Variants in ALG1 observed in about 807,000 individuals in gnomAD.
ALG1 encodes chitobiosyldiphosphodolichol beta-mannosyltransferase.
Under a neutral mutation model 55.1 loss-of-function variants are expected in ALG1, and 58 were observed. The ratio of observed to expected loss-of-function variants is 1.05; its 90% CI spans 0.85 to 1.31. The LOEUF is 1.31. Ranked by LOEUF, ALG1 falls within the 50% of genes most tolerant of loss-of-function variation. ALG1 has a pLI of 0.00. For missense variants in ALG1, 761 were observed against 598.6 expected (o/e 1.27, Z -2.83); for synonymous variants, 309 against 247.0 (o/e 1.25, Z -2.35).
intron 4 of ALG1, among the ~76,000 whole-genome samples, chr16:5,075,987 T>C (rs1228600276): frequency 6.6e-6 from 1 of 152,186 alleles, no homozygotes; most frequent in Non-Finnish European, 1.5e-5. Context: ...GGAGCATCCA[T>C]ATCTCATGGA....
rs1063200 is a variant in ALG1, at chr16:5,085,059, T to C, written c.*178T>C. 2 of 1,184,818 alleles carry C rather than the reference T, an allele frequency of 1.7e-6. 1 individual carries two copies. Among genetic ancestry groups the C allele is most frequent in the South Asian group, 2.8e-5 (2 of 71,628 alleles). 73.4% of individuals were successfully genotyped at this position (1,184,818 alleles called of 1,614,324 possible). A position where few individuals can be genotyped will look rare whatever the true frequency, so the allele number is the denominator to read the frequency against. The stretch of plus-strand genomic sequence containing the variant: ...GTGACCCGGGAAGCTTTGGTTGGCC[T>C]TGATTTCTTCTCTGGAGGCTTGGAA... On this transcript the variant is annotated 3_prime_UTR_variant, in exon 13 of 13. Coordinates refer to ENST00000262374, the MANE Select transcript of ALG1 (RefSeq NM_019109.5).
At chr16:5,072,609 A>G (rs1347447364) in intron 1 of ALG1, among the ~76,000 whole-genome samples, 1 of 152,214 alleles carries the variant, frequency 6.6e-6, no homozygotes, top group Non-Finnish European at 1.5e-5. Flanking sequence ...AGAATCTGCT[A>G]TCCTAGGGTG....
chr16:5,076,142 C>T (rs1293358251), intron 4 of ALG1, among the ~76,000 whole-genome samples: 1 of 152,234 alleles, frequency 6.6e-6, no homozygotes, highest in Non-Finnish European at 1.5e-5. Context: ...CTGGGAAGGT[C>T]ATCTGCTGTC....
rs763925138 is a variant in ALG1, at chr16:5,078,786, G to A, written c.770G>A (p.Arg257Gln). ...RSEPEDPVTE[R>Q]SAFTERDAGS... Reference sequence around the variant, plus strand: ...GAACCTGAGGACCCAGTCACGGAGCGGTCGGCCTTCACGGAGCGGGATGCT... The same window carrying A: ...GAACCTGAGGACCCAGTCACGGAGCAGTCGGCCTTCACGGAGCGGGATGCT... Residue 257 changes from arginine (R) to glutamine (Q), a missense_variant, in exon 7 of 13, where the codon CGG becomes CAG. Physicochemically the swap from Arg to Gln is conservative, Grantham distance 43 (BLOSUM62 1). Coordinates refer to ENST00000262374, the MANE Select transcript of ALG1 (RefSeq NM_019109.5). 3.3e-5 allele frequency: 53 copies of A among 1,612,750 alleles called. No homozygotes were observed. The highest frequency in any genetic ancestry group is 2.3e-4 in the Admixed American group (14 of 59,994).
At chr16:5,072,813 T>C (rs1026108853) in intron 1 of ALG1, 138 bp from the exon 2 acceptor site, 34 of 863,492 alleles carry the variant, frequency 3.9e-5, no homozygotes, top group Admixed American at 1.2e-4. Context: ...TTCTCTGTTC[T>C]GGCTAGTGAG....
Position 5,084,873 on chromosome 16 carries a change from G to A in ALG1, c.1387G>A (p.Asp463Asn), listed in dbSNP as rs765599429. ...WVQTVLPLVMDT is the reference protein window; with the variant it reads ...WVQTVLPLVMNT ...GCAGACTGTGCTCCCTTTGGTTATG[G>A]ACACATAACTCCTGGGCCAGAGGCT... The change falls in exon 13 of 13, where the codon GAC becomes AAC. Residue 463 changes from aspartate (D) to asparagine (N), a missense_variant. Physicochemically the swap from Asp to Asn is conservative, Grantham distance 23. Transcript: ENST00000262374. 2 of 1,594,826 alleles carry A rather than the reference G, an allele frequency of 1.3e-6. No homozygotes were observed. Among genetic ancestry groups the A allele is most frequent in the African/African-American group, 2.7e-5 (2 of 74,554 alleles).
rs1210576669 is a variant in ALG1 at position 5,085,566 on chromosome 16, C to T, written c.*685C>T. 1 of 1,157,710 alleles carries T rather than the reference C, an allele frequency of 8.6e-7. No homozygotes were observed. Among genetic ancestry groups the T allele is most frequent in the Non-Finnish European group, 1.3e-6 (1 of 765,800 alleles). The allele number at this position is 1,157,710 out of a possible 1,614,324, so 71.7% of individuals were successfully genotyped here. ...CCAATGAAAGTTTTATCCGCTTTCC[C>T]ATATAAAAATTCTTCCCATGAGAGT... On this transcript the variant is annotated 3_prime_UTR_variant, in exon 13 of 13. Transcript: ENST00000262374.
Position 5,078,074 on chromosome 16 carries a change from C to T in ALG1, c.740+57C>T. 3 of 1,571,976 alleles carry T rather than the reference C, an allele frequency of 1.9e-6. No homozygotes were observed. In the Admixed American group the frequency reaches 5.1e-5, roughly 26 times the overall value. On this transcript the variant is annotated intron_variant, in intron 6 of 12. Coordinates refer to ENST00000262374, the MANE Select transcript of ALG1 (RefSeq NM_019109.5). ...CTGCTCGCCACTGCCCTGGCCTCTC[C>T]CCTTCTCACTGCAGACCTGGGAACC... is the stretch of plus-strand genomic sequence containing the variant.
At chr16:5,081,943 A>T (rs1303506016) in intron 10 of ALG1, among the ~76,000 whole-genome samples, 1 of 151,802 alleles carries the variant, frequency 6.6e-6, no homozygotes, top group Non-Finnish European at 1.5e-5. Flanking sequence ...GCTGTGGTTT[A>T]TTATTATTAT....
intron 3 of ALG1, chr16:5,073,569 AT>A (rs1434402838): frequency 4.7e-6 from 2 of 429,860 alleles, no homozygotes; most frequent in African/African-American, 4.0e-5. Context: ...GGTTGTTCTC[AT>A]TTAGATGAGA....
In ALG1 at chr16:5,072,117, A is replaced by T. The variant is rs1353702366; in HGVS notation, c.208+60A>T. ...TCTCAGCCGTTGATCCTCGGTTCTA[A>T]CCGCCCCGGGGAGTCGAGGCGGAAG... On this transcript the variant is annotated intron_variant, in intron 1 of 12. Transcript: ENST00000262374. 1.9e-6 allele frequency: 3 copies of T among 1,549,446 alleles called. No homozygotes were observed. In the East Asian group the frequency reaches 7.3e-5, roughly 38 times the overall value.
chr16:5,074,757 C>G lies in ALG1; in HGVS notation c.391-631C>G, dbSNP rs575664871. Reference sequence around the variant, plus strand: ...CTGAGTGGGGGTACCTCTTCTCCCCCATGCTTACCATCACCAGCTGTTGTT... The same window carrying G: ...CTGAGTGGGGGTACCTCTTCTCCCCGATGCTTACCATCACCAGCTGTTGTT... On this transcript the variant is annotated intron_variant, in intron 3 of 12. Transcript: ENST00000262374. 2.3e-4 allele frequency among the ~76,000 whole-genome samples: 35 copies of G among 152,330 alleles called. 1 individual carries two copies. The highest frequency in any genetic ancestry group is 7.7e-4 in the African/African-American group (32 of 41,580).
In ALG1 at chr16:5,084,899, A is replaced by G. The variant is rs777172549; in HGVS notation, c.*18A>G. The G allele has an allele frequency of 6.3e-7, 1 of 1,595,664 alleles. No homozygotes were observed. The highest frequency in any genetic ancestry group is 1.1e-5 in the South Asian group (1 of 90,966). The stretch of plus-strand genomic sequence containing the variant: ...ACACATAACTCCTGGGCCAGAGGCT[A>G]AAACCCCAGGACCCCTGCTGTCCTT... On this transcript the variant is annotated 3_prime_UTR_variant, in exon 13 of 13. Coordinates refer to ENST00000262374, the MANE Select transcript of ALG1 (RefSeq NM_019109.5).
intron 12 of ALG1, 113 bp from the exon 13 acceptor site, chr16:5,084,637 A>T (rs1957084261): frequency 6.7e-7 from 1 of 1,491,958 alleles, no homozygotes; most frequent in African/African-American, 1.4e-5. Flanking sequence ...TGAGGGAGTT[A>T]GGGACTTGGG....
At position 5,077,999 on chromosome 16, in the gene ALG1, A is replaced by G. The variant is rs1221580786; in HGVS notation, c.722A>G (p.His241Arg). The stretch of plus-strand genomic sequence containing the variant: ...CTCTTCATGAAGCTGGGCAGCATGC[A>G]CTCTCCGTTCAGGGCCCGGTAGGCC... The part of the protein sequence containing the change: ...HRLFMKLGSM[H>R]SPFRARSEPE... The change falls in exon 6 of 13, where the codon CAC becomes CGC. Residue 241 changes from histidine to arginine, a missense_variant. Physicochemically the swap from His to Arg is conservative, Grantham distance 29. Coordinates refer to ENST00000262374, the MANE Select transcript of ALG1 (RefSeq NM_019109.5). 5.0e-6 allele frequency: 8 copies of G among 1,599,718 alleles called. No individual in the cohort carries two copies. Among genetic ancestry groups the G allele is most frequent in the African/African-American group, 1.3e-5 (1 of 74,726 alleles).
Sources: allele counts gnomAD v4.1 joint callset (sites outside exome capture counted in the v4.1 genomes callset), GRCh38; gene constraint gnomAD v4.1.1; transcripts MANE v1.5; gene names NCBI Gene and HGNC (gene_info 2026-07-23, HGNC 2026-07-21).